ZFHX3: variants seen among roughly 807,000 people sequenced by gnomAD.
ZFHX3 encodes the protein zinc finger homeobox 3.
Under a neutral mutation model 279.1 loss-of-function variants are expected in ZFHX3, and 42 were observed. The ratio of observed to expected loss-of-function variants is 0.15; its 90% CI spans 0.12 to 0.19. The LOEUF (loss-of-function observed/expected upper bound fraction) is 0.19, where lower values mean the gene tolerates loss of function less well. ZFHX3 is among the 10% of genes least tolerant of loss of function. The pLI is 1.00. For synonymous variants in ZFHX3, 2,293 were observed against 1,957.8 expected (o/e 1.17, Z -4.52); for missense variants, 4,981 against 4,754.0 (o/e 1.05, Z -1.40).
intron 2 of ZFHX3, among the ~76,000 whole-genome samples, chr16:73,484,870 G>A (rs1308345984): frequency 1.3e-5 from 2 of 151,962 alleles, no homozygotes; most frequent in South Asian, 2.1e-4. Context: ...TCATACAAAT[G>A]TACAATGTTA....
At chr16:72,813,435 C>T (rs1567529069) in intron 5 of ZFHX3, among the ~76,000 whole-genome samples, 2 of 152,150 alleles carry the variant, frequency 1.3e-5, no homozygotes, top group African/African-American at 4.8e-5. Flanking sequence ...CAATTTTATT[C>T]ATTAAAATCA....
chr16:72,941,570 T>C (rs1159955668), intron 3 of ZFHX3, among the ~76,000 whole-genome samples: 1 of 152,158 alleles, frequency 6.6e-6, no homozygotes, highest in Non-Finnish European at 1.5e-5. Flanking sequence ...TATCTGAAAT[T>C]TACGTTTGGA....
In ZFHX3 at chr16:73,784,752, TA is replaced by T. The variant is rs1374963178; in HGVS notation, c.-1607-104513del. ...AAGAGTAAGACTATGTCTCAAAAATTAAAAAAATTTTTAAAAAACTATTTTT... is the reference window on the plus strand; with the variant it reads ...AAGAGTAAGACTATGTCTCAAAAATTAAAAAATTTTTAAAAAACTATTTTT... On this transcript the variant is annotated intron_variant, in intron 1 of 17. Transcript: ENST00000641206. Among the ~76,000 whole-genome samples, 222 of 136,482 alleles carry T rather than the reference TA, an allele frequency of 1.6e-3. 1 individual carries two copies. Among genetic ancestry groups the T allele is most frequent in the African/African-American group, 6.0e-3 (210 of 34,918 alleles). 89.5% of individuals were successfully genotyped at this position (136,482 alleles called of 152,430 possible).
At chr16:73,475,861 A>C (rs1485566959) in intron 2 of ZFHX3, among the ~76,000 whole-genome samples, 2 of 152,122 alleles carry the variant, frequency 1.3e-5, no homozygotes, top group Non-Finnish European at 2.9e-5. Flanking sequence ...GGTATTTTTA[A>C]AGGGAAAAAC....
chr16:73,757,840 C>G lies in ZFHX3; in HGVS notation c.-1607-77600G>C, dbSNP rs958304582. ...TCCGCTCTCCTGTGTCCAAGAAGCC[C>G]AGGAAACCTTGATGCCATTCTGATT... On this transcript the variant is annotated intron_variant, in intron 1 of 17. Coordinates refer to the ZFHX3 transcript ENST00000641206. 3.9e-5 allele frequency among the ~76,000 whole-genome samples: 6 copies of G among 152,164 alleles called. No homozygotes were observed. The East Asian group carries it at 1.2e-3, about 29-fold the overall frequency.
At chr16:73,452,829 G>T (rs949133132) in intron 3 of ZFHX3, among the ~76,000 whole-genome samples, 3 of 152,184 alleles carry the variant, frequency 2.0e-5, no homozygotes, top group African/African-American at 7.2e-5. Flanking sequence ...ACAAAGTGCT[G>T]CCTTCCAACC....
chr16:73,436,562 C>T (rs1015389531), intron 3 of ZFHX3, among the ~76,000 whole-genome samples: 5 of 152,202 alleles, frequency 3.3e-5, no homozygotes, highest in African/African-American at 1.2e-4. Context: ...TTCCACAACA[C>T]GTGGGAATTA....
chr16:72,854,492 C>G (rs955120108), intron 4 of ZFHX3, among the ~76,000 whole-genome samples: 7 of 152,150 alleles, frequency 4.6e-5, no homozygotes, highest in African/African-American at 1.7e-4. Context: ...TCCGGGCTCT[C>G]CAAGGCCCCT....
intron 8 of ZFHX3, among the ~76,000 whole-genome samples, chr16:73,081,835 CTT>C (rs369769502): frequency 9.8e-5 from 13 of 132,956 alleles, no homozygotes; most frequent in Admixed American, 2.3e-4. Context: ...TTGTCCACAT[CTT>C]TTTTTTTTTT....
At chr16:73,250,936 A>G (rs1244424061) in intron 5 of ZFHX3, among the ~76,000 whole-genome samples, 4 of 151,710 alleles carry the variant, frequency 2.6e-5, no homozygotes, top group African/African-American at 9.7e-5. Context: ...CCTCCCTCCT[A>G]CATTTCATCT....
At chr16:73,888,742 T>C (rs1224270287) in intron 1 of ZFHX3, among the ~76,000 whole-genome samples, 1 of 152,142 alleles carries the variant, frequency 6.6e-6, no homozygotes, top group Non-Finnish European at 1.5e-5. Context: ...TCCGGGTGGA[T>C]GTCTGGGCTG....
chr16:73,062,719 CAAA>C (rs34849067), upstream of ZFHX3, among the ~76,000 whole-genome samples: 6 of 143,162 alleles, frequency 4.2e-5, no homozygotes, highest in South Asian at 2.2e-4. Context: ...GACACAGAAG[CAAA>C]AAAAAAAAAG....
At chr16:73,425,991 T>C (rs1311699707) in intron 3 of ZFHX3, among the ~76,000 whole-genome samples, 3 of 152,244 alleles carry the variant, frequency 2.0e-5, no homozygotes, top group Non-Finnish European at 4.4e-5. Flanking sequence ...TCCTCTTTTT[T>C]TCACTTTTTC....
rs116159262 is a variant in ZFHX3, at chr16:73,104,809, C to T, written c.-896-11211G>A. Among the ~76,000 whole-genome samples, 991 of 152,306 alleles carry T rather than the reference C, an allele frequency of 6.5e-3. 12 individuals carry two copies. The highest frequency in any genetic ancestry group is 0.022 in the African/African-American group (926 of 41,558). ...CTACTTCAGAAGCCTTCCTTGGCCA[C>T]TCCTTCAACCCCACCATTCTGTCCC... is the stretch of plus-strand genomic sequence containing the variant. On this transcript the variant is annotated intron_variant, in intron 7 of 17. Coordinates refer to the ZFHX3 transcript ENST00000641206.
chr16:73,630,468 C>G (rs2052458089), intron 2 of ZFHX3, among the ~76,000 whole-genome samples: 1 of 152,190 alleles, frequency 6.6e-6, no homozygotes, highest in Non-Finnish European at 1.5e-5. Flanking sequence ...TTTACACTAA[C>G]CAATGATTTC....
rs557809294 is a variant in ZFHX3 at position 73,464,420 on chromosome 16, C to G, written c.-1546-8162G>C. 4.0e-5 allele frequency among the ~76,000 whole-genome samples: 6 copies of G among 151,110 alleles called. No homozygotes were observed. In the South Asian group the frequency reaches 6.3e-4, roughly 16 times the overall value. On this transcript the variant is annotated intron_variant, in intron 2 of 17. Coordinates refer to the ZFHX3 transcript ENST00000641206. ...TTCATTCCTGATCAGCTTCTCCAAC[C>G]ATTCTCTCTTTTATTCTTGGATATC...
intron 4 of ZFHX3, among the ~76,000 whole-genome samples, chr16:72,851,364 G>A (rs1001397237): frequency 2.0e-5 from 3 of 152,282 alleles, no homozygotes; most frequent in Middle Eastern, 3.4e-3. Context: ...GAGATACCCC[G>A]ACAAGGGGCT....
rs956166949 is a variant in ZFHX3 at position 72,786,362 on chromosome 16, CTTAT to C, written c.*798_*801del. 1 of 149,054 alleles carries C rather than the reference CTTAT, an allele frequency of 6.7e-6. No individual in the cohort carries two copies. The highest frequency in any genetic ancestry group is 2.0e-4 in the East Asian group (1 of 5,060). The allele number at this position is 149,054 out of a possible 1,614,324, so 9.2% of individuals were successfully genotyped here. A position where few individuals can be genotyped will look rare whatever the true frequency, so the allele number is the denominator to read the frequency against. ...AAATACAGAAAGTCAGTTTTTAAAA[CTTAT>C]TTTTTTTAAGCTACAAGTCCTCAAC... On this transcript the variant is annotated 3_prime_UTR_variant, in exon 10 of 10. Transcript: ENST00000268489.
intron 3 of ZFHX3, among the ~76,000 whole-genome samples, chr16:73,430,566 T>C (rs1183791389): frequency 6.6e-6 from 1 of 152,104 alleles, no homozygotes; most frequent in Non-Finnish European, 1.5e-5. Flanking sequence ...TATTCCAACA[T>C]CATTTTGGCT....
Sources: allele counts gnomAD v4.1 joint callset (sites outside exome capture counted in the v4.1 genomes callset), GRCh38; gene constraint gnomAD v4.1.1; transcripts MANE v1.5; gene names NCBI Gene and HGNC (gene_info 2026-07-23, HGNC 2026-07-21).